WNT11: variants seen among roughly 807,000 people sequenced by gnomAD.
The protein encoded by WNT11 is protein Wnt-11.
A neutral mutation model predicts 35.6 loss-of-function variants in WNT11; 20 were observed. That is an observed-to-expected ratio of 0.56 (90% CI 0.40 to 0.82). The LOEUF (loss-of-function observed/expected upper bound fraction) is 0.82, where lower values mean the gene tolerates loss of function less well. Among genes scored for constraint, WNT11 ranks in the 40% least tolerant of loss-of-function variants. WNT11 has a pLI of 0.00. For missense variants in WNT11, 459 were observed against 504.4 expected (o/e 0.91, Z 0.86); for synonymous variants, 200 against 211.9 (o/e 0.94, Z 0.49).
At chr11:76,208,563 C>T (rs1311785340), upstream of WNT11, among the ~76,000 whole-genome samples, 1 of 152,042 alleles carries the variant, frequency 6.6e-6, no homozygotes, top group Admixed American at 6.5e-5. Flanking sequence ...CTTCCCCTCT[C>T]CCAAAGTGCG....
chr11:76,204,587 C>A (rs1953440908), intron 1 of WNT11, among the ~76,000 whole-genome samples: 1 of 152,236 alleles, frequency 6.6e-6, no homozygotes, highest in South Asian at 2.1e-4. Context: ...TGCTAGGACA[C>A]AGACCATAGT....
At chr11:76,198,720 G>A (rs773911407) in intron 1 of WNT11, among the ~76,000 whole-genome samples, 3 of 152,152 alleles carry the variant, frequency 2.0e-5, no homozygotes, top group Non-Finnish European at 4.4e-5. Context: ...ATAAATCAAT[G>A]ACCCAGCTGT....
intron 1 of WNT11, among the ~76,000 whole-genome samples, chr11:76,201,582 G>A (rs188908514): frequency 2.6e-5 from 4 of 152,274 alleles, no homozygotes; most frequent in Non-Finnish European, 5.9e-5. Flanking sequence ...AGGGAATGCA[G>A]AGTTCACAGG....
chr11:76,206,186 G>A, intron 1 of WNT11, 139 bp downstream of exon 1: 1 of 714,838 alleles, frequency 1.4e-6, no homozygotes, highest in East Asian at 3.4e-5. Context: ...AACAGAGGCT[G>A]AGGGATGACT....
Position 76,202,911 on chromosome 11 carries a change from G to A in WNT11, c.83+3414C>T, listed in dbSNP as rs542868540. On this transcript the variant is annotated intron_variant, in intron 1 of 4. Coordinates refer to ENST00000322563, the MANE Select transcript of WNT11 (RefSeq NM_004626.3). Reference sequence around the variant, plus strand: ...CAGTCCTGCCTGGAAATGACACTGGGTCCCCTTCACACCTGACTGCCCAGA... The same window carrying A: ...CAGTCCTGCCTGGAAATGACACTGGATCCCCTTCACACCTGACTGCCCAGA... Among the ~76,000 whole-genome samples, 45 of 152,322 alleles carry A rather than the reference G, an allele frequency of 3.0e-4. 1 individual carries two copies. Among genetic ancestry groups the A allele is most frequent in the Non-Finnish European group, 6.3e-4 (43 of 68,018 alleles).
chr11:76,186,980 A>C lies in WNT11; in HGVS notation c.*85T>G. 6.3e-7 allele frequency: 1 copy of C among 1,582,828 alleles called. No individual in the cohort carries two copies. Among genetic ancestry groups the C allele is most frequent in the African/African-American group, 1.3e-5 (1 of 74,604 alleles). On this transcript the variant is annotated 3_prime_UTR_variant, in exon 5 of 5. Transcript: ENST00000322563. Reference sequence around the variant, plus strand: ...ATCTGGAATTCACAAGCAGAGCTCCATGGAGTGTCTCCAGGCCCCTGGCCC... The same window carrying C: ...ATCTGGAATTCACAAGCAGAGCTCCCTGGAGTGTCTCCAGGCCCCTGGCCC...
chr11:76,194,890 G>T lies in WNT11; in HGVS notation c.320-46C>A. ...TCAGCCGACGCTGATCCAGGGCTAG[G>T]ACCCTGCCCAGGTCAGAGGTCCTCC... On this transcript the variant is annotated intron_variant, in intron 2 of 4. Transcript: ENST00000322563. This position sits in a 1 kb window ranked among gnomAD's most constrained non-coding sequence, Gnocchi z 5.4. 6.9e-7 allele frequency: 1 copy of T among 1,449,906 alleles called. No individual in the cohort carries two copies. Among genetic ancestry groups the T allele is most frequent in the Non-Finnish European group, 9.0e-7 (1 of 1,106,274 alleles). The allele number at this position is 1,449,906 out of a possible 1,614,324, so 89.8% of individuals were successfully genotyped here.
intron 1 of WNT11, among the ~76,000 whole-genome samples, chr11:76,204,999 G>C (rs963151807): frequency 1.3e-5 from 2 of 152,186 alleles, no homozygotes; most frequent in African/African-American, 4.8e-5. Flanking sequence ...CTGCCAGCTG[G>C]AACAGTGCTG....
intron 1 of WNT11, among the ~76,000 whole-genome samples, chr11:76,199,221 C>T (rs558568169): frequency 6.6e-6 from 1 of 152,192 alleles, no homozygotes; most frequent in East Asian, 1.9e-4. Flanking sequence ...GGTTGTTGCT[C>T]ATGTCTATGA....
rs909986823 is a variant in WNT11, at chr11:76,194,098, C to T, written c.597+469G>A. Reference sequence around the variant, plus strand: ...TGTGGGTGGGAGTCCCCGTTAAATCCAAGCAGATGACCCCTTAGCATAGGC... The same window carrying T: ...TGTGGGTGGGAGTCCCCGTTAAATCTAAGCAGATGACCCCTTAGCATAGGC... On this transcript the variant is annotated intron_variant, in intron 3 of 4. Coordinates refer to ENST00000322563, the MANE Select transcript of WNT11 (RefSeq NM_004626.3). The surrounding 1 kb of genome is among the most constrained non-coding windows in gnomAD (Gnocchi z 5.4). Among the ~76,000 whole-genome samples the T allele has an allele frequency of 1.3e-5, 2 of 151,754 alleles. No homozygotes were observed.
chr11:76,194,577 A>T lies in WNT11; in HGVS notation c.587T>A (p.Val196Glu). ...NKLMRLHNSE[V>E]GRQALRASLE... Reference sequence around the variant, plus strand: ...GGGGTGGGTGGTTACCTGTCTCCCCACTTCACTGTTGTGTAGACGCATCAG... The same window carrying T: ...GGGGTGGGTGGTTACCTGTCTCCCCTCTTCACTGTTGTGTAGACGCATCAG... Residue 196 changes from valine to glutamate, a missense_variant, in exon 3 of 5, where the codon GTG becomes GAG. Transcript: ENST00000322563. The surrounding 1 kb of genome is among the most constrained non-coding windows in gnomAD (Gnocchi z 5.4). The T allele has an allele frequency of 6.5e-7, 1 of 1,545,960 alleles. No homozygotes were observed. Among genetic ancestry groups the T allele is most frequent in the Non-Finnish European group, 8.7e-7 (1 of 1,143,686 alleles).
intron 1 of WNT11, among the ~76,000 whole-genome samples, chr11:76,204,233 C>T (rs1953432779): frequency 6.6e-6 from 1 of 152,186 alleles, no homozygotes; most frequent in Non-Finnish European, 1.5e-5. Context: ...CACCCCTTTT[C>T]CCACCTCCCC....
At chr11:76,192,151 G>A (rs977917864) in intron 3 of WNT11, among the ~76,000 whole-genome samples, 3 of 152,134 alleles carry the variant, frequency 2.0e-5, no homozygotes, top group Non-Finnish European at 4.4e-5. Context: ...TCACCACAAC[G>A]GCCCAAGGGA....
At chr11:76,189,666 C>T (rs573266657) in intron 4 of WNT11, among the ~76,000 whole-genome samples, 1 of 152,158 alleles carries the variant, frequency 6.6e-6, no homozygotes, top group Non-Finnish European at 1.5e-5. Flanking sequence ...TCTAGGAAGC[C>T]TTCCTTGATG....
upstream of WNT11, among the ~76,000 whole-genome samples, chr11:76,208,650 A>G (rs1312584248): frequency 6.6e-6 from 1 of 152,166 alleles, no homozygotes; most frequent in East Asian, 1.9e-4. Flanking sequence ...GCGCGGACTC[A>G]CAGCGGGGGA....
rs772496816 is a variant in WNT11, at chr11:76,187,094, G to A, written c.1036C>T (p.Arg346Cys). Residue 346 changes from arginine to cysteine, a missense_variant, in exon 5 of 5, where the codon CGT becomes TGT. Arg to Cys is a radical substitution (Grantham distance 180, BLOSUM62 -3). Transcript: ENST00000322563. ...TTGCAGACATAGCGCTCCACGGTACGCTCACACCTGCGGCAGGTGACGTAG... is the reference window on the plus strand; with the variant it reads ...TTGCAGACATAGCGCTCCACGGTACACTCACACCTGCGGCAGGTGACGTAG... ...CCYVTCRRCERTVERYVCK is the reference protein window; with the variant it reads ...CCYVTCRRCECTVERYVCK The A allele has an allele frequency of 3.0e-5, 49 of 1,611,750 alleles. No homozygotes were observed. The highest frequency in any genetic ancestry group is 4.1e-5 in the Non-Finnish European group (48 of 1,180,012).
At chr11:76,204,438 G>A (rs991559705) in intron 1 of WNT11, among the ~76,000 whole-genome samples, 2 of 152,126 alleles carry the variant, frequency 1.3e-5, no homozygotes, top group East Asian at 1.9e-4. Flanking sequence ...GCTTCTGCTC[G>A]TGCTGTGCCT....
chr11:76,191,923 G>C (rs2134571984), intron 3 of WNT11, 67 bp from the exon 4 acceptor site: 1 of 1,515,442 alleles, frequency 6.6e-7, no homozygotes, highest in Admixed American at 1.9e-5. Flanking sequence ...CGGGACCCCA[G>C]CCCCACCCAC....
chr11:76,210,372 G>C, upstream of WNT11: 1 of 956,512 alleles, frequency 1.0e-6, no homozygotes, highest in Middle Eastern at 5.3e-4. Flanking sequence ...CAAGGGGGTC[G>C]TGGCGGGTGC....
Sources: gnomAD v4.1 joint callset for allele counts (sites outside exome capture counted in the v4.1 genomes callset) on GRCh38, gnomAD v4.1.1 for gene constraint, Gnocchi (gnomAD v3.1) non-coding constraint, MANE v1.5 for transcripts, NCBI Gene and HGNC (gene_info 2026-07-23, HGNC 2026-07-21) for gene names.